The following AGBL4 variants were observed in gnomAD, a reference collection of about 807,000 sequenced individuals.
AGBL4 encodes AGBL carboxypeptidase 4, also known as cytosolic carboxypeptidase 6.
A neutral mutation model predicts 66.4 loss-of-function variants in AGBL4; 58 were observed. The ratio of observed to expected loss-of-function variants is 0.87; its 90% CI spans 0.71 to 1.09. The LOEUF (loss-of-function observed/expected upper bound fraction) is 1.09, where lower values mean the gene tolerates loss of function less well. Ranked by LOEUF, AGBL4 falls within the 50% of genes least tolerant of loss-of-function variation. AGBL4 has a pLI of 0.00. For synonymous variants in AGBL4, 234 were observed against 222.9 expected (o/e 1.05, Z -0.44); for missense variants, 579 against 631.0 (o/e 0.92, Z 0.88).
intron 2 of AGBL4, among the ~76,000 whole-genome samples, chr1:49,819,560 A>G (rs1238560575): frequency 6.6e-6 from 1 of 152,134 alleles, no homozygotes; most frequent in East Asian, 1.9e-4. Context: ...GATAATACCA[A>G]TCCGTGTATA....
At chr1:49,101,134 T>C (rs1341203291) in intron 4 of AGBL4, among the ~76,000 whole-genome samples, 1 of 152,124 alleles carries the variant, frequency 6.6e-6, no homozygotes, top group African/African-American at 2.4e-5. Context: ...TCTCAGTTTT[T>C]TCTCATGTTT....
the AGBL4 span, among the ~76,000 whole-genome samples, chr1:48,526,230 A>C: frequency 6.6e-6 from 1 of 152,196 alleles, no homozygotes. Flanking sequence ...TTGTATTGTC[A>C]GTCTTAGGAC....
At chr1:49,301,625 A>C (rs887711690) in intron 3 of AGBL4, among the ~76,000 whole-genome samples, 1 of 152,182 alleles carries the variant, frequency 6.6e-6, no homozygotes, top group Non-Finnish European at 1.5e-5. Flanking sequence ...ATCGTTTCCT[A>C]GTTTGCTTCC....
chr1:49,144,667 G>T (rs530928258), intron 4 of AGBL4, among the ~76,000 whole-genome samples: 73 of 152,232 alleles, frequency 4.8e-4, no homozygotes, highest in African/African-American at 1.5e-3. Context: ...GACAGACCCA[G>T]AAATAGACAA....
At chr1:49,656,377 C>T in intron 3 of AGBL4, among the ~76,000 whole-genome samples, 1 of 151,968 alleles carries the variant, frequency 6.6e-6, no homozygotes, top group South Asian at 2.1e-4. Flanking sequence ...GCTTACCAAC[C>T]AAAAAAACTC....
intron 5 of AGBL4, among the ~76,000 whole-genome samples, chr1:48,889,989 C>CGTGT (rs10557498): frequency 0.41 from 60,943 of 148,564 alleles, 14,725 homozygotes; most frequent in Non-Finnish European, 0.57. Context: ...AGCCTGCTTG[C>CGTGT]GTGTGTGTGT....
chr1:49,747,412 G>A (rs898399435), intron 2 of AGBL4, among the ~76,000 whole-genome samples: 3 of 152,082 alleles, frequency 2.0e-5, no homozygotes, highest in Non-Finnish European at 2.9e-5. Context: ...TTTTATGACT[G>A]TGGGATAAAT....
intron 5 of AGBL4, among the ~76,000 whole-genome samples, chr1:48,884,285 T>C (rs1005583276): frequency 7.2e-6 from 1 of 139,860 alleles, no homozygotes; most frequent in African/African-American, 2.5e-5. Flanking sequence ...TTACAATTTG[T>C]TTTTGTTTGT....
chr1:49,718,258 TA>T (rs1648317613), intron 2 of AGBL4, among the ~76,000 whole-genome samples: 1 of 151,974 alleles, frequency 6.6e-6, no homozygotes, highest in African/African-American at 2.4e-5. Flanking sequence ...TCTTACTGCT[TA>T]AAAGAGTGTA....
At chr1:49,163,392 TAAC>T (rs1210264946) in intron 4 of AGBL4, among the ~76,000 whole-genome samples, 1,814 of 152,320 alleles carry the variant, frequency 0.012, 28 homozygotes, top group African/African-American at 0.042. Context: ...AAATGTCACC[TAAC>T]GTTTGGTAGA....
At chr1:49,442,888 C>G (rs1270020510) in intron 3 of AGBL4, among the ~76,000 whole-genome samples, 1 of 152,116 alleles carries the variant, frequency 6.6e-6, no homozygotes, top group East Asian at 1.9e-4. Context: ...TAGTAATTTA[C>G]ATTCCCACCA....
chr1:49,285,970 A>G (rs1216215758), intron 3 of AGBL4, among the ~76,000 whole-genome samples: 4 of 152,228 alleles, frequency 2.6e-5, no homozygotes, highest in Non-Finnish European at 5.9e-5. Context: ...TCAATAAAAT[A>G]CGGGCAAAAT....
chr1:48,561,214 T>G (rs1644392119), intron 11 of AGBL4, among the ~76,000 whole-genome samples: 1 of 152,184 alleles, frequency 6.6e-6, no homozygotes. Context: ...TTTTTAAAGC[T>G]TCTTTTATTC....
At chr1:49,803,591 GAA>G (rs2147954025) in intron 2 of AGBL4, among the ~76,000 whole-genome samples, 1 of 152,256 alleles carries the variant, frequency 6.6e-6, no homozygotes, top group Admixed American at 6.5e-5. Context: ...CTGTGATCTT[GAA>G]AAAGTCACTC....
At chr1:49,745,805 T>C (rs930425271) in intron 2 of AGBL4, among the ~76,000 whole-genome samples, 2 of 151,772 alleles carry the variant, frequency 1.3e-5, no homozygotes, top group Non-Finnish European at 2.9e-5. Flanking sequence ...TTCAATATGT[T>C]GCCTATAATA....
chr1:48,629,036 T>C (rs1406989787), intron 9 of AGBL4, among the ~76,000 whole-genome samples: 3 of 152,014 alleles, frequency 2.0e-5, no homozygotes, highest in Non-Finnish European at 4.4e-5. Context: ...AATGGGAACA[T>C]TGAAAAATGT....
At chr1:48,645,493 C>T (rs936728643) in intron 8 of AGBL4, among the ~76,000 whole-genome samples, 1 of 152,076 alleles carries the variant, frequency 6.6e-6, no homozygotes, top group Non-Finnish European at 1.5e-5. Flanking sequence ...CTGAGGAGAG[C>T]TCAATGTCAG....
At chr1:48,529,784 G>A (rs1643896404), downstream of AGBL4, among the ~76,000 whole-genome samples, 2 of 152,136 alleles carry the variant, frequency 1.3e-5, no homozygotes, top group Admixed American at 1.3e-4. Context: ...CCCAGAGAGT[G>A]TCACGATGGG....
intron 6 of AGBL4, among the ~76,000 whole-genome samples, chr1:48,690,882 T>C (rs1646619028): frequency 6.6e-6 from 1 of 152,034 alleles, no homozygotes; most frequent in Admixed American, 6.6e-5. Context: ...TATATTTTAT[T>C]TTAGGCCGGG....
Sources: gnomAD v4.1 joint callset for allele counts (sites outside exome capture counted in the v4.1 genomes callset) on GRCh38, gnomAD v4.1.1 for gene constraint, MANE v1.5 for transcripts, NCBI Gene and HGNC (gene_info 2026-07-23, HGNC 2026-07-21) for gene names.